DNER: variants seen among roughly 807,000 people sequenced by gnomAD.
DNER encodes delta/notch like EGF repeat containing.
A neutral mutation model predicts 78.2 loss-of-function variants in DNER; 33 were observed. That is an observed-to-expected ratio of 0.42 (90% confidence interval 0.32 to 0.56). DNER has a LOEUF of 0.56. DNER is among the 20% of genes least tolerant of loss of function. The probability of loss-of-function intolerance (pLI) is 0.11; values close to 1 mark genes in which losing one functional copy is unlikely to be tolerated. For synonymous variants in DNER, 417 were observed against 384.8 expected, an observed-to-expected ratio of 1.08 and a Z score of -0.98; for missense variants, 918 against 975.3, an observed-to-expected ratio of 0.94 and a Z score of 0.78.
intron 5 of DNER, among the ~76,000 whole-genome samples, chr2:229,537,211 A>G (rs1329748926): frequency 1.3e-5 from 2 of 152,152 alleles, no homozygotes; most frequent in Non-Finnish European, 2.9e-5. Flanking sequence ...AAAATGCCAT[A>G]AGGTCAACCC....
At chr2:229,468,542 C>A (rs1053906525) in intron 7 of DNER, among the ~76,000 whole-genome samples, 2 of 152,128 alleles carry the variant, frequency 1.3e-5, no homozygotes, top group African/African-American at 2.4e-5. Context: ...TCACTTTGAC[C>A]CCCTATGATT....
intron 1 of DNER, among the ~76,000 whole-genome samples, chr2:229,708,189 C>T (rs1474854668): frequency 2.0e-5 from 3 of 152,182 alleles, no homozygotes; most frequent in South Asian, 4.1e-4. Context: ...GTGCAACTGT[C>T]GTTTTTCTCT....
chr2:229,647,848 C>T (rs1211145958), intron 1 of DNER, among the ~76,000 whole-genome samples: 1 of 152,140 alleles, frequency 6.6e-6, no homozygotes, highest in Non-Finnish European at 1.5e-5. Context: ...AAATCTATGA[C>T]ATATTTGCAT....
chr2:229,416,825 A>G (rs1251792991), intron 9 of DNER, among the ~76,000 whole-genome samples: 1 of 152,158 alleles, frequency 6.6e-6, no homozygotes, highest in Non-Finnish European at 1.5e-5. Flanking sequence ...CATCCCTAGC[A>G]GAGAGTCAGG....
intron 5 of DNER, among the ~76,000 whole-genome samples, chr2:229,532,231 A>T (rs1696316741): frequency 6.6e-6 from 1 of 152,076 alleles, no homozygotes; most frequent in Non-Finnish European, 1.5e-5. Context: ...TCAGAAAAGG[A>T]AGGTTTCCTC....
intron 1 of DNER, among the ~76,000 whole-genome samples, chr2:229,610,544 T>C (rs556075170): frequency 4.6e-4 from 70 of 152,318 alleles, no homozygotes; most frequent in African/African-American, 1.7e-3. Flanking sequence ...ATGTGTCATT[T>C]CCTCAACCGC....
At chr2:229,444,364 C>T (rs766610923) in intron 8 of DNER, among the ~76,000 whole-genome samples, 10 of 152,114 alleles carry the variant, frequency 6.6e-5, no homozygotes, top group Non-Finnish European at 1.3e-4. Flanking sequence ...AAAACTGAGT[C>T]CCAGAGATGC....
intron 11 of DNER, among the ~76,000 whole-genome samples, chr2:229,382,139 T>G (rs1692752251): frequency 6.6e-6 from 1 of 152,140 alleles, no homozygotes; most frequent in South Asian, 2.1e-4. Flanking sequence ...GGAGTGGACC[T>G]CCAGCAAACT....
chr2:229,458,135 CAAAAAAAAAAAAAAAAA>C (rs61340733), intron 7 of DNER, among the ~76,000 whole-genome samples: 3 of 17,716 alleles, frequency 1.7e-4, no homozygotes, highest in Non-Finnish European at 2.9e-4. Context: ...GACTCTATCT[CAAAAAAAAAAAAAAAAA>C]AAAAAAAAAG....
At chr2:229,714,018 C>T (rs1391350304) in intron 1 of DNER, 130 bp downstream of exon 1, 3 of 948,894 alleles carry the variant, frequency 3.2e-6, no homozygotes, top group Non-Finnish European at 4.1e-6. Context: ...GAGACTGGAT[C>T]CATCTTCTTC....
intron 1 of DNER, among the ~76,000 whole-genome samples, chr2:229,701,587 A>G (rs1699747159): frequency 6.6e-6 from 1 of 152,250 alleles, no homozygotes; most frequent in African/African-American, 2.4e-5. Flanking sequence ...AGTCCCATGT[A>G]TTCAACCAGC....
chr2:229,489,236 C>T (rs1214924104), intron 6 of DNER, among the ~76,000 whole-genome samples: 3 of 152,206 alleles, frequency 2.0e-5, no homozygotes, highest in South Asian at 2.1e-4. Flanking sequence ...CAGATGCCAA[C>T]AGCTTGAATC....
intron 11 of DNER, among the ~76,000 whole-genome samples, chr2:229,374,008 A>C (rs540520323): frequency 6.6e-6 from 1 of 152,274 alleles, no homozygotes; most frequent in African/African-American, 2.4e-5. Flanking sequence ...TCTACTAAAA[A>C]TACAAAAAAA....
At chr2:229,683,137 C>A (rs146626023) in intron 1 of DNER, among the ~76,000 whole-genome samples, 200 of 152,238 alleles carry the variant, frequency 1.3e-3, no homozygotes, top group African/African-American at 4.3e-3. Flanking sequence ...CAACTGAATA[C>A]CTTCTATGCA....
chr2:229,601,665 A>G (rs889577273), intron 1 of DNER, among the ~76,000 whole-genome samples: 3 of 152,228 alleles, frequency 2.0e-5, no homozygotes, highest in Admixed American at 2.0e-4. Context: ...AATTATAAGC[A>G]GAATTGAAAC....
At chr2:229,569,151 G>C (rs1697169329) in intron 4 of DNER, among the ~76,000 whole-genome samples, 1 of 152,156 alleles carries the variant, frequency 6.6e-6, no homozygotes, top group Non-Finnish European at 1.5e-5. Context: ...CTGTGGTTGT[G>C]TATACAGTCA....
At chr2:229,538,025 G>A (rs1370331846) in intron 5 of DNER, among the ~76,000 whole-genome samples, 1 of 152,012 alleles carries the variant, frequency 6.6e-6, no homozygotes, top group Non-Finnish European at 1.5e-5. Context: ...TCAAACACAA[G>A]CCAATGAAAA....
chr2:229,680,868 G>A (rs113568961), intron 1 of DNER, among the ~76,000 whole-genome samples: 89 of 152,304 alleles, frequency 5.8e-4, no homozygotes, highest in African/African-American at 2.1e-3. Context: ...TCAATCAACT[G>A]ATACTTTTTT....
intron 1 of DNER, among the ~76,000 whole-genome samples, chr2:229,644,537 G>A (rs1698681051): frequency 6.6e-6 from 1 of 151,932 alleles, no homozygotes; most frequent in South Asian, 2.1e-4. Context: ...AGTAGAGATG[G>A]GGTTTTGCCA....
Sources: gnomAD v4.1 joint callset for allele counts (sites outside exome capture counted in the v4.1 genomes callset) on GRCh38, gnomAD v4.1.1 for gene constraint, MANE v1.5 for transcripts, NCBI Gene and HGNC (gene_info 2026-07-23, HGNC 2026-07-21) for gene names.